RNF19B: variants seen among roughly 807,000 people sequenced by gnomAD.
RNF19B encodes E3 ubiquitin-protein ligase RNF19B.
In RNF19B, 23 loss-of-function variants were observed where a neutral mutation model predicts 65.5. The ratio of observed to expected loss-of-function variants is 0.35; its 90% CI spans 0.25 to 0.50. The LOEUF is 0.50. RNF19B is among the 20% of genes least tolerant of loss of function. The pLI is 0.98. For missense variants in RNF19B, 794 were observed against 980.0 expected (o/e 0.81, Z 2.53); for synonymous variants, 372 against 379.6 (o/e 0.98, Z 0.23).
intron 1 of RNF19B, among the ~76,000 whole-genome samples, chr1:32,953,289 T>C (rs919026037): frequency 7.2e-5 from 11 of 152,032 alleles, no homozygotes; most frequent in Admixed American, 6.6e-4. Flanking sequence ...CACACATTTT[T>C]AAAAACATCA....
At chr1:32,936,408 T>G (rs1271344029), downstream of RNF19B, 1 of 157,568 alleles carries the variant, frequency 6.3e-6, no homozygotes. Context: ...TTCAAACACT[T>G]GGCTCTGTGG....
intron 7 of RNF19B, 118 bp downstream of exon 7, chr1:32,942,134 A>G: frequency 1.2e-6 from 1 of 862,816 alleles, no homozygotes. Context: ...AAACAAAACC[A>G]TTGACAATTA....
intron 1 of RNF19B, among the ~76,000 whole-genome samples, chr1:32,961,979 T>C (rs1280598207): frequency 1.3e-5 from 2 of 151,836 alleles, no homozygotes; most frequent in African/African-American, 4.8e-5. Flanking sequence ...TGTTTTGTTT[T>C]TTTTTTTTCT....
chr1:32,943,135 C>T (rs1393923527), intron 6 of RNF19B, among the ~76,000 whole-genome samples: 19 of 137,872 alleles, frequency 1.4e-4, no homozygotes, highest in African/African-American at 3.5e-4. Context: ...AGCAAGACTC[C>T]GTCTCAAAAA....
chr1:32,951,435 G>A (rs1049971000), intron 1 of RNF19B, among the ~76,000 whole-genome samples: 7 of 152,316 alleles, frequency 4.6e-5, no homozygotes, highest in South Asian at 2.1e-4. Context: ...AGGAGCCGGC[G>A]CACATGCAGG....
downstream of RNF19B, among the ~76,000 whole-genome samples, chr1:32,935,082 G>A (rs1365386486): frequency 1.3e-5 from 2 of 151,454 alleles, no homozygotes; most frequent in Non-Finnish European, 1.5e-5. Flanking sequence ...CACCCGCCTT[G>A]GCCTCCCAAA....
intron 1 of RNF19B, among the ~76,000 whole-genome samples, chr1:32,963,591 G>A (rs1394915064): frequency 6.6e-6 from 1 of 151,906 alleles, no homozygotes; most frequent in African/African-American, 2.4e-5. Context: ...GGTGGCGGGC[G>A]CCTGTAATCC....
At chr1:32,957,387 T>C (rs1642664326) in intron 1 of RNF19B, among the ~76,000 whole-genome samples, 1 of 152,222 alleles carries the variant, frequency 6.6e-6, no homozygotes, top group Non-Finnish European at 1.5e-5. Flanking sequence ...TTCTTTAGTA[T>C]TTATCATATG....
At chr1:32,938,226 A>G (rs923149584) in intron 8 of RNF19B, 171 bp downstream of exon 8, 2 of 549,510 alleles carry the variant, frequency 3.6e-6, no homozygotes, top group African/African-American at 3.9e-5. Context: ...AAGAAGAATC[A>G]AGAGATGCCA....
At chr1:32,960,657 G>T (rs1642747853) in intron 1 of RNF19B, among the ~76,000 whole-genome samples, 2 of 151,716 alleles carry the variant, frequency 1.3e-5, no homozygotes, top group East Asian at 3.9e-4. Flanking sequence ...AAACAACACT[G>T]TTCAAAACAA....
chr1:32,964,328 G>C lies in RNF19B; in HGVS notation c.358C>G (p.Pro120Ala). ...GGCGGCAGCCGCACCAGGCACAGCGGACACTCCACCTCCTCCGCGCCCGGG... is the reference window on the plus strand; with the variant it reads ...GGCGGCAGCCGCACCAGGCACAGCGCACACTCCACCTCCTCCGCGCCCGGG... ...GGPGAEEVECPLCLVRLPPER... is the reference protein window; with the variant it reads ...GGPGAEEVECALCLVRLPPER... The change falls in exon 1 of 9, where the codon CCG becomes GCG. Residue 120 changes from proline to alanine, a missense_variant. By Grantham distance (27) the Pro-to-Ala change is conservative. This residue lies in a region of RNF19B where 374 missense variants were observed against 423.8 expected (regional missense o/e 0.88). Transcript: ENST00000235150. The surrounding 1 kb of genome is among the most constrained non-coding windows in gnomAD (Gnocchi z 6.5). The C allele has an allele frequency of 6.7e-7, 1 of 1,499,644 alleles. No individual in the cohort carries two copies. The highest frequency in any genetic ancestry group is 1.4e-5 in the African/African-American group (1 of 69,532). The allele number at this position is 1,499,644 out of a possible 1,614,324, so 92.9% of individuals were successfully genotyped here.
chr1:32,949,756 A>G lies in RNF19B; in HGVS notation c.654T>C (p.Tyr218=), dbSNP rs764851529. The G allele has an allele frequency of 1.1e-5, 17 of 1,613,834 alleles. No homozygotes were observed. In the East Asian group the frequency reaches 2.7e-4, roughly 25 times the overall value. Residue 218 remains tyrosine (Y), a synonymous_variant, in exon 2 of 9, where the codon TAT becomes TAC. Coordinates refer to ENST00000235150, the MANE Select transcript of RNF19B (RefSeq NM_001300826.2). Reference sequence around the variant, plus strand: ...TTAGCTTCGGGCAGCTGGCACAGCCATAGGCAATAACAGCATAACTAGGTA... The same window carrying G: ...TTAGCTTCGGGCAGCTGGCACAGCCGTAGGCAATAACAGCATAACTAGGTA... ...APDCGYAVIA[Y]GCASCPKLTC... is the part of the protein sequence containing the mutation.
intron 2 of RNF19B, among the ~76,000 whole-genome samples, 197 bp downstream of exon 2, chr1:32,949,370 TTA>T (rs149413038): frequency 0.013 from 2,027 of 152,328 alleles, 27 homozygotes; most frequent in Non-Finnish European, 0.021. Flanking sequence ...CATTTCAATT[TTA>T]TATAGTTGGA....
rs1456268178 is a variant in RNF19B, at chr1:32,961,438, T to TA, written c.635+2612dup. ...CTGTTCTAAGCCTGGTTCCACCACTTACTAGTTATATGACCCTGAACAAGT... is the reference window on the plus strand; with the variant it reads ...CTGTTCTAAGCCTGGTTCCACCACTTAACTAGTTATATGACCCTGAACAAGT... On this transcript the variant is annotated intron_variant, in intron 1 of 8. Transcript: ENST00000235150. Among the ~76,000 whole-genome samples the TA allele has an allele frequency of 2.0e-5, 3 of 152,346 alleles. No individual in the cohort carries two copies. The East Asian group carries it at 5.8e-4, about 29-fold the overall frequency.
intron 1 of RNF19B, 75 bp from the exon 2 acceptor site, chr1:32,949,849 T>A: frequency 8.4e-7 from 1 of 1,191,768 alleles, no homozygotes; most frequent in South Asian, 1.3e-5. Context: ...TCATCAGAGT[T>A]AACAATGTTT....
chr1:32,939,937 G>A (rs1421537476), intron 7 of RNF19B, among the ~76,000 whole-genome samples: 2 of 152,178 alleles, frequency 1.3e-5, no homozygotes, highest in African/African-American at 4.8e-5. Context: ...CCAGCATGTG[G>A]GGGCGGGATC....
chr1:32,932,702 T>C (rs1483446705), downstream of RNF19B, among the ~76,000 whole-genome samples: 4 of 152,188 alleles, frequency 2.6e-5, no homozygotes, highest in Non-Finnish European at 4.4e-5. Flanking sequence ...CGCTGAAGAT[T>C]ACCTCCTCCT....
chr1:32,942,362 A>C lies in RNF19B; in HGVS notation c.1500T>G (p.Asp500Glu). The change falls in exon 7 of 9, where the codon GAT becomes GAG. Residue 500 changes from aspartate (D) to glutamate (E), a missense_variant. Asp to Glu is a conservative substitution (Grantham distance 45, BLOSUM62 2). Transcript: ENST00000235150. ...SVLSTSGSPT[D>E]GLSVMQGPYS... The stretch of plus-strand genomic sequence containing the variant: ...AAGGACCTTGCATAACACTAAGTCC[A>C]TCTGTAGGGCTTCCACTAGTGCTCA... 6.2e-7 allele frequency: 1 copy of C among 1,614,232 alleles called. No individual in the cohort carries two copies. Among genetic ancestry groups the C allele is most frequent in the African/African-American group, 1.3e-5 (1 of 75,060 alleles).
chr1:32,934,944 T>C (rs186741856), downstream of RNF19B, among the ~76,000 whole-genome samples: 77 of 152,116 alleles, frequency 5.1e-4, no homozygotes, highest in African/African-American at 1.6e-3. Context: ...GTGATTCTCC[T>C]GCCTCAGCCT....
Sources: allele counts gnomAD v4.1 joint callset (sites outside exome capture counted in the v4.1 genomes callset), GRCh38; gene constraint gnomAD v4.1.1; regional missense constraint gnomAD v4.1.1; non-coding constraint Gnocchi (gnomAD v3.1); transcripts MANE v1.5; gene names NCBI Gene and HGNC (gene_info 2026-07-23, HGNC 2026-07-21).